Variants in WWOX observed in about 807,000 individuals in gnomAD.
WWOX encodes the protein WW domain-containing oxidoreductase.
A neutral mutation model predicts 46.2 loss-of-function variants in WWOX; 69 were observed. The ratio of observed to expected loss-of-function variants is 1.49; its 90% confidence interval spans 1.23 to 1.82. The LOEUF is 1.82. Among genes scored for constraint, WWOX ranks in the 40% most tolerant of loss-of-function variants. The probability of loss-of-function intolerance (pLI) is 0.00; values close to 1 mark genes in which losing one functional copy is unlikely to be tolerated. For synonymous variants in WWOX, 359 were observed against 202.6 expected (o/e 1.77, Z -6.56); for missense variants, 919 against 542.6 (o/e 1.69, Z -6.89).
intron 8 of WWOX, among the ~76,000 whole-genome samples, chr16:78,786,686 C>A (rs1258639820): frequency 1.3e-5 from 2 of 152,164 alleles, no homozygotes; most frequent in African/African-American, 4.8e-5. Flanking sequence ...AAAAGTAACT[C>A]TGTGCCCATA....
chr16:78,208,107 C>T (rs2036451301), intron 5 of WWOX, among the ~76,000 whole-genome samples: 1 of 152,246 alleles, frequency 6.6e-6, no homozygotes. Flanking sequence ...GCCTCTCCAT[C>T]TGGCCTCAGC....
intron 5 of WWOX, among the ~76,000 whole-genome samples, chr16:78,357,394 T>C (rs1043274215): frequency 3.3e-5 from 5 of 152,168 alleles, no homozygotes; most frequent in Non-Finnish European, 7.3e-5. Context: ...TCTCCCTGCA[T>C]AGCCACTTCT....
intron 8 of WWOX, among the ~76,000 whole-genome samples, chr16:78,615,943 G>T (rs1044293371): frequency 2.0e-5 from 3 of 151,960 alleles, no homozygotes; most frequent in Admixed American, 6.6e-5. Context: ...GTAGAGACAG[G>T]GTTTCACTGT....
chr16:78,439,613 C>A (rs568339650), intron 8 of WWOX, among the ~76,000 whole-genome samples: 5 of 152,308 alleles, frequency 3.3e-5, no homozygotes, highest in African/African-American at 9.6e-5. Context: ...AGCCTCTACT[C>A]CCTTTTAGTT....
chr16:78,750,427 G>A (rs2049447838), intron 8 of WWOX, among the ~76,000 whole-genome samples: 1 of 152,154 alleles, frequency 6.6e-6, no homozygotes, highest in South Asian at 2.1e-4. Flanking sequence ...AGTAAAGAAA[G>A]AACAGTGCTG....
At position 79,212,564 on chromosome 16, in the gene WWOX, TTGTC is replaced by T. The variant is rs1449006906; in HGVS notation, c.*773_*776del. 14 of 165,888 alleles carry T rather than the reference TTGTC, an allele frequency of 8.4e-5. No individual in the cohort carries two copies. The highest frequency in any genetic ancestry group is 1.6e-4 in the East Asian group (1 of 6,234). The allele number at this position is 165,888 out of a possible 1,614,324, so 10.3% of individuals were successfully genotyped here. A position where few individuals can be genotyped will look rare whatever the true frequency, so the allele number is the denominator to read the frequency against. The stretch of plus-strand genomic sequence containing the variant: ...GAGAATAAAACGTTAGTTAATCCCT[TTGTC>T]TGTCAATCACAGTCTCAGTTCTCTT... On this transcript the variant is annotated 3_prime_UTR_variant, in exon 9 of 9. Coordinates refer to ENST00000566780, the MANE Select transcript of WWOX (RefSeq NM_016373.4).
At chr16:78,719,396 C>CA (rs2048641760) in intron 8 of WWOX, among the ~76,000 whole-genome samples, 1 of 152,210 alleles carries the variant, frequency 6.6e-6, no homozygotes, top group African/African-American at 2.4e-5. Context: ...CAAGAAGAAA[C>CA]AATAATCAGA....
chr16:79,193,306 C>T (rs2051173757), intron 8 of WWOX, among the ~76,000 whole-genome samples: 1 of 152,242 alleles, frequency 6.6e-6, no homozygotes, highest in Non-Finnish European at 1.5e-5. Context: ...ACTGGAAGAA[C>T]TCTTTGTTGT....
At chr16:78,219,869 G>A (rs749008119) in intron 5 of WWOX, among the ~76,000 whole-genome samples, 55 of 151,768 alleles carry the variant, frequency 3.6e-4, no homozygotes, top group Middle Eastern at 3.2e-3. Context: ...CTGTGGTGAC[G>A]GTTTGCATAT....
At chr16:78,187,277 G>C (rs1567619244) in intron 5 of WWOX, among the ~76,000 whole-genome samples, 1 of 152,142 alleles carries the variant, frequency 6.6e-6, no homozygotes, top group Non-Finnish European at 1.5e-5. Flanking sequence ...TGCAAGAGGT[G>C]CCAGGTGGGC....
At chr16:78,867,466 C>A (rs925306457) in intron 8 of WWOX, among the ~76,000 whole-genome samples, 1 of 151,162 alleles carries the variant, frequency 6.6e-6, no homozygotes, top group Non-Finnish European at 1.5e-5. Flanking sequence ...ATCTGAGACT[C>A]AGAGAAGTTA....
intron 8 of WWOX, among the ~76,000 whole-genome samples, chr16:79,098,454 T>C (rs2049121278): frequency 6.6e-6 from 1 of 152,222 alleles, no homozygotes. Flanking sequence ...GAGTGCATAT[T>C]AAGAACTGTC....
intron 8 of WWOX, among the ~76,000 whole-genome samples, chr16:78,601,786 G>A (rs755122826): frequency 9.5e-4 from 144 of 152,176 alleles, no homozygotes; most frequent in Non-Finnish European, 1.5e-3. Context: ...CTATTTCAAT[G>A]ATTTTCTCTG....
At chr16:78,307,336 T>C (rs2080153493) in intron 5 of WWOX, among the ~76,000 whole-genome samples, 1 of 152,114 alleles carries the variant, frequency 6.6e-6, no homozygotes. Context: ...AAAAAGGGAC[T>C]TTGGAGATGT....
intron 8 of WWOX, among the ~76,000 whole-genome samples, chr16:78,597,396 A>G (rs2045516817): frequency 6.6e-6 from 1 of 152,204 alleles, no homozygotes; most frequent in South Asian, 2.1e-4. Context: ...ACCCATTGCC[A>G]TCATTTTGTA....
chr16:78,531,078 T>G (rs2043610044), intron 8 of WWOX, among the ~76,000 whole-genome samples: 1 of 152,230 alleles, frequency 6.6e-6, no homozygotes, highest in Admixed American at 6.5e-5. Context: ...CTTTTTGATT[T>G]GGTTTGGTTC....
At chr16:78,533,823 G>A (rs879777064) in intron 8 of WWOX, among the ~76,000 whole-genome samples, 4 of 152,110 alleles carry the variant, frequency 2.6e-5, no homozygotes, top group South Asian at 2.1e-4. Flanking sequence ...TCTCGTCCTC[G>A]CCCTCAGCAT....
At chr16:78,389,343 C>G (rs553492313) in intron 6 of WWOX, among the ~76,000 whole-genome samples, 3 of 152,322 alleles carry the variant, frequency 2.0e-5, no homozygotes, top group Admixed American at 1.3e-4. Flanking sequence ...CCCAGACATT[C>G]TTCTGGGCTC....
At chr16:79,096,692 G>A (rs1402237465) in intron 8 of WWOX, among the ~76,000 whole-genome samples, 1 of 152,114 alleles carries the variant, frequency 6.6e-6, no homozygotes, top group Non-Finnish European at 1.5e-5. Flanking sequence ...TACCCATTTT[G>A]CTTTCTCCCC....
Sources: allele counts gnomAD v4.1 joint callset (sites outside exome capture counted in the v4.1 genomes callset), GRCh38; gene constraint gnomAD v4.1.1; transcripts MANE v1.5; gene names NCBI Gene and HGNC (gene_info 2026-07-23, HGNC 2026-07-21).